MEI1: variants seen among roughly 807,000 people sequenced by gnomAD.
MEI1 encodes meiotic double-stranded break formation protein 1.
In MEI1, 103 loss-of-function variants were observed where a neutral mutation model predicts 146.2. That is an observed-to-expected ratio of 0.70 (90% CI 0.60 to 0.83). MEI1 has a LOEUF of 0.83. Ranked by LOEUF, MEI1 falls within the 40% of genes least tolerant of loss-of-function variation. MEI1 has a pLI of 0.00. For missense variants in MEI1, 1,529 were observed against 1,533.0 expected (o/e 1.00, Z 0.04); for synonymous variants, 652 against 628.2 (o/e 1.04, Z -0.57).
At chr22:41,721,410 A>G (rs1443485154) in intron 6 of MEI1, among the ~76,000 whole-genome samples, 1 of 146,798 alleles carries the variant, frequency 6.8e-6, no homozygotes, top group Non-Finnish European at 1.5e-5. Flanking sequence ...ACATCTGGCT[A>G]TTTTTTTGTA....
chr22:41,703,408 G>T lies in MEI1; in HGVS notation c.252G>T (p.Val84=), dbSNP rs1205929990. Residue 84 remains valine, a synonymous_variant, in exon 2 of 31, where the codon GTG becomes GTT. Coordinates refer to ENST00000401548, the MANE Select transcript of MEI1 (RefSeq NM_152513.4). ...ATACCTCCCTGGTCACGCAACTGGT[G>T]TCTCAGGATCAGAGAGTCTGCATCC... ...VRHTSLVTQL[V]SQDQRVCIHF... 2 of 1,608,902 alleles carry T rather than the reference G, an allele frequency of 1.2e-6. No homozygotes were observed. The highest frequency in any genetic ancestry group is 2.7e-5 in the African/African-American group (2 of 74,868).
At chr22:41,753,712 C>G (rs2073921859) in intron 16 of MEI1, 1 of 397,196 alleles carries the variant, frequency 2.5e-6, no homozygotes, top group Admixed American at 3.7e-5. Flanking sequence ...CTCCTGACCT[C>G]AGGTGATCCA....
intron 11 of MEI1, among the ~76,000 whole-genome samples, chr22:41,742,095 ACT>A (rs2072925043): frequency 6.6e-6 from 1 of 151,810 alleles, no homozygotes; most frequent in Non-Finnish European, 1.5e-5. Flanking sequence ...TCTCATCTCT[ACT>A]AAAAGTACAA....
Position 41,745,893 on chromosome 22 carries a change from T to C in MEI1, c.1547T>C (p.Ile516Thr). 6.2e-7 allele frequency: 1 copy of C among 1,607,844 alleles called. No homozygotes were observed. Among genetic ancestry groups the C allele is most frequent in the South Asian group, 1.1e-5 (1 of 90,670 alleles). The change falls in exon 14 of 31, where the codon ATA becomes ACA. Residue 516 changes from isoleucine (I) to threonine (T), a missense_variant. Physicochemically the swap from Ile to Thr is moderately conservative, Grantham distance 89. Transcript: ENST00000401548. ...EGFRSACRLA[I>T]EFQSEPSAQE... ...ACACATTGATTTCTTAGGTTGGCTA[T>C]AGAATTCCAGAGTGAGCCTTCAGCC... is the stretch of plus-strand genomic sequence containing the variant.
chr22:41,749,468 T>C (rs182215207), intron 15 of MEI1, among the ~76,000 whole-genome samples: 91 of 152,072 alleles, frequency 6.0e-4, no homozygotes, highest in Admixed American at 1.2e-3. Context: ...AGAGATGGGG[T>C]TTCTCCATGT....
intron 19 of MEI1, among the ~76,000 whole-genome samples, chr22:41,769,266 C>T (rs777950081): frequency 2.0e-5 from 3 of 152,210 alleles, no homozygotes; most frequent in Non-Finnish European, 4.4e-5. Flanking sequence ...TAAACCCATA[C>T]ATTTATGGTC....
rs1415337484 is a variant in MEI1 at position 41,706,273 on chromosome 22, T to G, written c.349+719T>G. The stretch of plus-strand genomic sequence containing the variant: ...TTCTCAAGCAATCCTCCTGCTTGGC[T>G]TCCCAAAGTGCTGGGATTATAGGCG... On this transcript the variant is annotated intron_variant, in intron 3 of 30. Coordinates refer to ENST00000401548, the MANE Select transcript of MEI1 (RefSeq NM_152513.4). 2.0e-5 allele frequency among the ~76,000 whole-genome samples: 3 copies of G among 151,838 alleles called. No individual in the cohort carries two copies. The East Asian group carries it at 5.8e-4, about 29-fold the overall frequency.
intron 24 of MEI1, 116 bp from the exon 25 acceptor site, chr22:41,784,223 C>T (rs1254980873): frequency 8.0e-6 from 7 of 876,114 alleles, no homozygotes; most frequent in Non-Finnish European, 5.4e-6. Context: ...CTCCTCCGTC[C>T]CCTTTTGATG....
rs138336358 is a variant in MEI1, at chr22:41,755,707, T to G, written c.1951+1661T>G. 6.8e-4 allele frequency among the ~76,000 whole-genome samples: 104 copies of G among 152,330 alleles called. 2 individuals are homozygous for G. The highest frequency in any genetic ancestry group is 2.5e-3 in the African/African-American group (102 of 41,574). ...ACATCTCTCATAACATTCAGACTGC[T>G]TTCTTTTATATATCAGGAGAAAGGC... On this transcript the variant is annotated intron_variant, in intron 17 of 30. Coordinates refer to ENST00000401548, the MANE Select transcript of MEI1 (RefSeq NM_152513.4).
chr22:41,794,492 G>A lies in MEI1; in HGVS notation c.3534+15G>A. ...TCATGACCCTGGTAAGTGCAGAAAG[G>A]ATATCTTGTGGTCTGAGGAGTGTCA... On this transcript the variant is annotated intron_variant, in intron 28 of 30. Coordinates refer to ENST00000401548, the MANE Select transcript of MEI1 (RefSeq NM_152513.4). 1.2e-6 allele frequency: 2 copies of A among 1,605,338 alleles called. No individual in the cohort carries two copies. Among genetic ancestry groups the A allele is most frequent in the Non-Finnish European group, 1.7e-6 (2 of 1,172,050 alleles).
intron 3 of MEI1, among the ~76,000 whole-genome samples, chr22:41,711,511 A>T (rs2069566998): frequency 6.6e-6 from 1 of 152,230 alleles, no homozygotes; most frequent in Non-Finnish European, 1.5e-5. Flanking sequence ...GGTTGGTATC[A>T]GCATGGCTTG....
chr22:41,749,088 G>A (rs756437233), intron 15 of MEI1, among the ~76,000 whole-genome samples: 5 of 152,124 alleles, frequency 3.3e-5, no homozygotes, highest in Non-Finnish European at 5.9e-5. Flanking sequence ...ACAGGCGTGA[G>A]CGACCGCCCA....
intron 18 of MEI1, among the ~76,000 whole-genome samples, chr22:41,761,415 C>T (rs543604077): frequency 1.3e-4 from 19 of 150,938 alleles, no homozygotes; most frequent in African/African-American, 1.9e-4. Flanking sequence ...CCCGGGTTCA[C>T]GCCATTCTCC....
At chr22:41,780,442 G>A (rs1448473511) in intron 22 of MEI1, among the ~76,000 whole-genome samples, 1 of 152,094 alleles carries the variant, frequency 6.6e-6, no homozygotes, top group Non-Finnish European at 1.5e-5. Flanking sequence ...AGAGTAAAGG[G>A]ATATGTTCTA....
At chr22:41,760,701 T>TA in intron 18 of MEI1, among the ~76,000 whole-genome samples, 2 of 152,298 alleles carry the variant, frequency 1.3e-5, no homozygotes, top group Non-Finnish European at 2.9e-5. Flanking sequence ...CTCACAGCAC[T>TA]AAAGATTTCA....
chr22:41,747,976 T>C (rs960370227), intron 14 of MEI1, 131 bp from the exon 15 acceptor site: 2 of 656,552 alleles, frequency 3.0e-6, no homozygotes, highest in African/African-American at 3.6e-5. Context: ...GGTTTGGACT[T>C]TAAGTTCCCT....
intron 16 of MEI1, among the ~76,000 whole-genome samples, chr22:41,753,192 G>A (rs1395192315): frequency 6.6e-6 from 1 of 151,790 alleles, no homozygotes; most frequent in African/African-American, 2.4e-5. Flanking sequence ...TAATTTTTGT[G>A]TTTTTAGTAG....
chr22:41,777,158 ATT>A (rs11429191), intron 21 of MEI1, among the ~76,000 whole-genome samples: 3 of 140,908 alleles, frequency 2.1e-5, no homozygotes, highest in Non-Finnish European at 3.0e-5. Context: ...TTTAAAAATA[ATT>A]TTTTTTTTTT....
intron 26 of MEI1, among the ~76,000 whole-genome samples, chr22:41,787,161 T>C (rs910979101): frequency 2.0e-5 from 3 of 152,248 alleles, no homozygotes; most frequent in Non-Finnish European, 4.4e-5. Context: ...TTAATCTTTG[T>C]GTGTCCTTCC....
Sources: gnomAD v4.1 joint callset for allele counts (sites outside exome capture counted in the v4.1 genomes callset) on GRCh38, gnomAD v4.1.1 for gene constraint, MANE v1.5 for transcripts, NCBI Gene and HGNC (gene_info 2026-07-23, HGNC 2026-07-21) for gene names.